The following TJP1 variants were observed in gnomAD, a reference collection of about 807,000 sequenced individuals.
The protein encoded by TJP1 is tight junction protein ZO-1.
TJP1 carries 43 observed loss-of-function variants against 194.2 expected under a neutral mutation model. The ratio of observed to expected loss-of-function variants is 0.22; its 90% CI spans 0.17 to 0.29. TJP1 has a LOEUF of 0.29. TJP1 is among the 10% of genes least tolerant of loss of function. The probability of loss-of-function intolerance (pLI) is 1.00; values close to 1 mark genes in which losing one functional copy is unlikely to be tolerated. For missense variants in TJP1, 1,971 were observed against 2,185.7 expected (o/e 0.90, Z 1.96); for synonymous variants, 801 against 779.0 (o/e 1.03, Z -0.47).
chr15:29,816,439 G>A (rs2049930541), intron 1 of TJP1, among the ~76,000 whole-genome samples: 1 of 152,152 alleles, frequency 6.6e-6, no homozygotes, highest in Admixed American at 6.5e-5. Context: ...AAATGTAAGA[G>A]TTGTAAAATG....
chr15:29,911,033 T>C (rs1268918074), intron 2 of TJP1, among the ~76,000 whole-genome samples: 2 of 152,252 alleles, frequency 1.3e-5, no homozygotes, highest in Non-Finnish European at 2.9e-5. Context: ...CAGTAAGCTG[T>C]ACTATGATGA....
rs200549176 is a variant in TJP1 at position 29,718,584 on chromosome 15, T to C, written c.3558A>G (p.Ala1186=). The C allele has an allele frequency of 6.6e-5, 107 of 1,614,190 alleles. No individual in the cohort carries two copies. In the African/African-American group the frequency reaches 1.3e-3, roughly 20 times the overall value. The change falls in exon 21 of 28, where the codon GCA becomes GCG. Residue 1186 remains alanine (A), a synonymous_variant. Transcript: ENST00000614355. The part of the protein sequence containing the change: ...QPHPSAGPKP[A]ESKQYFEQYS... ...ATTGCTCAAAATACTGCTTGGACTCTGCAGGCTTGGGCCCTGCTGAAGGGT... is the reference window on the plus strand; with the variant it reads ...ATTGCTCAAAATACTGCTTGGACTCCGCAGGCTTGGGCCCTGCTGAAGGGT...
chr15:29,905,476 C>G (rs1448086460), intron 2 of TJP1, among the ~76,000 whole-genome samples: 4 of 152,142 alleles, frequency 2.6e-5, no homozygotes, highest in African/African-American at 9.7e-5. Context: ...ACCAAACAAT[C>G]TTACCAACCC....
intron 2 of TJP1, among the ~76,000 whole-genome samples, chr15:29,793,021 G>T (rs566392812): frequency 6.6e-6 from 1 of 152,074 alleles, no homozygotes; most frequent in Non-Finnish European, 1.5e-5. Flanking sequence ...GAGTCCTTAG[G>T]TTTTTCTAAA....
At chr15:29,817,819 C>A (rs541644366) in intron 1 of TJP1, among the ~76,000 whole-genome samples, 105 of 152,208 alleles carry the variant, frequency 6.9e-4, no homozygotes, top group African/African-American at 2.5e-3. Flanking sequence ...GAACATCACA[C>A]ACCAGGACCT....
intron 2 of TJP1, among the ~76,000 whole-genome samples, chr15:29,790,042 T>C (rs2047969417): frequency 6.6e-6 from 1 of 152,196 alleles, no homozygotes; most frequent in African/African-American, 2.4e-5. Flanking sequence ...GCCACTGCTC[T>C]AATCAGCAGT....
At chr15:29,940,085 G>A (rs1160328037) in intron 2 of TJP1, among the ~76,000 whole-genome samples, 4 of 152,184 alleles carry the variant, frequency 2.6e-5, no homozygotes, top group Non-Finnish European at 5.9e-5. Context: ...AGATATTCTG[G>A]GGGAAGACTG....
At chr15:29,778,167 A>G (rs138447805) in intron 2 of TJP1, among the ~76,000 whole-genome samples, 109 of 152,288 alleles carry the variant, frequency 7.2e-4, no homozygotes, top group African/African-American at 2.4e-3. Context: ...ATCCTGCTAC[A>G]TCAGTGCTTA....
chr15:29,760,481 T>C (rs1242127339), intron 8 of TJP1, among the ~76,000 whole-genome samples: 1 of 152,166 alleles, frequency 6.6e-6, no homozygotes, highest in African/African-American at 2.4e-5. Flanking sequence ...GTTCAAGCAA[T>C]TCTCATGTCT....
chr15:29,805,163 T>C (rs969728644), intron 1 of TJP1, among the ~76,000 whole-genome samples: 1 of 152,202 alleles, frequency 6.6e-6, no homozygotes, highest in Non-Finnish European at 1.5e-5. Flanking sequence ...CTGACTAGAA[T>C]CACAATTTCT....
chr15:29,728,201 A>AT (rs938864281), intron 15 of TJP1, 182 bp from the exon 16 acceptor site: 3 of 453,390 alleles, frequency 6.6e-6, no homozygotes, highest in African/African-American at 6.2e-5. Context: ...TTTTTTCACT[A>AT]TTTTTTCAAC....
At position 29,814,413 on chromosome 15, in the gene TJP1, T is replaced by TCCC. The variant is rs2049755646; in HGVS notation, c.27+7588_27+7589insGGG. 2.0e-5 allele frequency among the ~76,000 whole-genome samples: 3 copies of TCCC among 152,238 alleles called. No homozygotes were observed. The East Asian group carries it at 5.8e-4, about 29-fold the overall frequency. ...CAAAATGTACTCATTTAATATGTGT[T>TCCC]AAGCTAACAAAAAGAATTAGTCATT... On this transcript the variant is annotated intron_variant, in intron 1 of 27. Coordinates refer to ENST00000614355, the MANE Select transcript of TJP1 (RefSeq NM_001330239.4).
At position 29,822,211 on chromosome 15, in the gene TJP1, C is replaced by G; in HGVS notation, c.-183G>C. On this transcript the variant is annotated 5_prime_UTR_variant, in exon 1 of 28. Coordinates refer to ENST00000614355, the MANE Select transcript of TJP1 (RefSeq NM_001330239.4). The stretch of plus-strand genomic sequence containing the variant: ...TCAACTCGGACAAAAGTCCGGGAAG[C>G]GCCCGCCCCGCCCGGGTCTTCTCCA... 8.5e-7 allele frequency: 1 copy of G among 1,174,840 alleles called. No individual in the cohort carries two copies. The highest frequency in any genetic ancestry group is 1.1e-6 in the Non-Finnish European group (1 of 951,064). 72.8% of individuals were successfully genotyped at this position (1,174,840 alleles called of 1,614,324 possible).
chr15:29,900,945 G>A (rs1401270073), intron 2 of TJP1, among the ~76,000 whole-genome samples: 6 of 152,154 alleles, frequency 3.9e-5, no homozygotes, highest in African/African-American at 1.4e-4. Context: ...GCAGGGAAGG[G>A]AATGATTGAC....
chr15:29,960,987 T>C (rs1361937764), intron 1 of TJP1, among the ~76,000 whole-genome samples: 1 of 152,198 alleles, frequency 6.6e-6, no homozygotes, highest in African/African-American at 2.4e-5. Flanking sequence ...TTCTCTTTTG[T>C]TTATTACTGT....
intron 2 of TJP1, among the ~76,000 whole-genome samples, chr15:29,940,570 C>T (rs779549995): frequency 3.2e-4 from 48 of 152,228 alleles, no homozygotes; most frequent in Non-Finnish European, 5.4e-4. Flanking sequence ...CTTGAAATTA[C>T]GTGTGTGTGC....
chr15:29,748,953 T>TGC (rs935676407), intron 8 of TJP1, among the ~76,000 whole-genome samples: 420 of 32,318 alleles, frequency 0.013, 6 homozygotes, highest in African/African-American at 0.027. Context: ...TGTGTGTGTG[T>TGC]GCGCGTGTGT....
In TJP1 at chr15:29,780,411, T is replaced by C. The variant is rs45624339; in HGVS notation, c.85-7054A>G. ...AACAGGGTTCACACTCCTGTGAGAA[T>C]GTGATGCCGCCACAGGAGGCAGCGC... On this transcript the variant is annotated intron_variant, in intron 2 of 27. Coordinates refer to ENST00000614355, the MANE Select transcript of TJP1 (RefSeq NM_001330239.4). Among the ~76,000 whole-genome samples, 3 of 152,010 alleles carry C rather than the reference T, an allele frequency of 2.0e-5. No individual in the cohort carries two copies. In the East Asian group the frequency reaches 5.8e-4, roughly 29 times the overall value.
chr15:29,730,962 G>A, intron 15 of TJP1: 2 of 1,299,070 alleles, frequency 1.5e-6, no homozygotes, highest in Non-Finnish European at 2.2e-6. Flanking sequence ...ACAGAAAGCT[G>A]AAGGTGCTGG....
Sources: gnomAD v4.1 joint callset for allele counts (sites outside exome capture counted in the v4.1 genomes callset) on GRCh38, gnomAD v4.1.1 for gene constraint, MANE v1.5 for transcripts, NCBI Gene and HGNC (gene_info 2026-07-23, HGNC 2026-07-21) for gene names.